The following KIAA1328 variants were observed in gnomAD, a reference collection of about 807,000 sequenced individuals.
KIAA1328 encodes the protein protein hinderin.
In KIAA1328, 52 loss-of-function variants were observed where a neutral mutation model predicts 68.1. The ratio of observed to expected loss-of-function variants is 0.76; its 90% CI spans 0.61 to 0.96. KIAA1328 has a LOEUF of 0.96. Ranked by LOEUF, KIAA1328 falls within the 40% of genes least tolerant of loss-of-function variation. The pLI is 0.00. For synonymous variants in KIAA1328, 232 were observed against 239.4 expected (o/e 0.97, Z 0.28); for missense variants, 641 against 677.6 (o/e 0.95, Z 0.60).
chr18:37,061,244 C>G (rs1270151237), intron 6 of KIAA1328, among the ~76,000 whole-genome samples: 5 of 152,190 alleles, frequency 3.3e-5, no homozygotes, highest in African/African-American at 1.2e-4. Flanking sequence ...GTGACATACT[C>G]TATGATTGCA....
chr18:37,160,258 C>T lies in KIAA1328; in HGVS notation c.1291C>T (p.His431Tyr), dbSNP rs868830841. 6.2e-7 allele frequency: 1 copy of T among 1,613,470 alleles called. No homozygotes were observed. The change falls in exon 8 of 10, where the codon CAC becomes TAC. Residue 431 changes from histidine to tyrosine, a missense_variant. By Grantham distance (83) the His-to-Tyr change is moderately conservative. Transcript: ENST00000280020. The stretch of plus-strand genomic sequence containing the variant: ...TGGAACATCATCATCTATTAAAAAG[C>T]ACCAAGACCCCCCAAACAGTGGAGA... Reference protein sequence around the residue: ...LLGTSSSIKKHQDPPNSGENR... With the variant: ...LLGTSSSIKKYQDPPNSGENR...
intron 5 of KIAA1328, among the ~76,000 whole-genome samples, chr18:36,898,144 T>C (rs2048924035): frequency 6.6e-6 from 1 of 152,008 alleles, no homozygotes. Context: ...AAAAAGTGGA[T>C]GTGAAGACAT....
At chr18:36,875,927 G>A (rs2048107584) in intron 4 of KIAA1328, among the ~76,000 whole-genome samples, 1 of 113,674 alleles carries the variant, frequency 8.8e-6, no homozygotes, top group African/African-American at 2.7e-5. Context: ...TGAGGTAATC[G>A]TGGTTTTTGT....
intron 7 of KIAA1328, among the ~76,000 whole-genome samples, chr18:37,094,562 A>G (rs538186280): frequency 6.6e-6 from 1 of 152,322 alleles, no homozygotes; most frequent in South Asian, 2.1e-4. Flanking sequence ...AACAGTCACT[A>G]ATGAAGCAGA....
intron 1 of KIAA1328, 143 bp downstream of exon 1, chr18:36,829,339 G>T: frequency 7.2e-7 from 1 of 1,392,346 alleles, no homozygotes; most frequent in Non-Finnish European, 9.3e-7. Flanking sequence ...CCCAGTCTAG[G>T]TGCTGGGCTC....
rs60361116 is a variant in KIAA1328, at chr18:36,955,314, CTTTTTTTTTTTT to C, written c.449-3988_449-3977del. Among the ~76,000 whole-genome samples the C allele has an allele frequency of 2.6e-4, 34 of 129,080 alleles. No homozygotes were observed. In the East Asian group the frequency reaches 7.9e-3, roughly 30 times the overall value. 84.7% of individuals were successfully genotyped at this position (129,080 alleles called of 152,430 possible). ...GGCTAATTTTCCTGGTTTTTCTTTT[CTTTTTTTTTTTT>C]TTTTTGATGGAGTCTCACTCTGTTG... On this transcript the variant is annotated intron_variant, in intron 5 of 9. Transcript: ENST00000280020.
At chr18:36,977,876 C>T (rs1446539719) in intron 6 of KIAA1328, among the ~76,000 whole-genome samples, 2 of 151,958 alleles carry the variant, frequency 1.3e-5, no homozygotes, top group African/African-American at 4.8e-5. Flanking sequence ...CTCCGCCTTC[C>T]AGGTTCAAGA....
At chr18:36,934,451 CCCTCCCT>C (rs2050427310) in intron 5 of KIAA1328, among the ~76,000 whole-genome samples, 1 of 152,040 alleles carries the variant, frequency 6.6e-6, no homozygotes, top group African/African-American at 2.4e-5. Context: ...CTAATGCTAT[CCCTCCCT>C]CCTCCCTCCA....
At chr18:36,954,012 T>C (rs1293227743) in intron 5 of KIAA1328, among the ~76,000 whole-genome samples, 3 of 147,014 alleles carry the variant, frequency 2.0e-5, no homozygotes, top group Non-Finnish European at 4.5e-5. Context: ...TTTTTTTTTT[T>C]TGAGACGGAG....
At chr18:36,983,825 C>T (rs1266400158) in intron 6 of KIAA1328, among the ~76,000 whole-genome samples, 4 of 152,078 alleles carry the variant, frequency 2.6e-5, no homozygotes, top group Non-Finnish European at 5.9e-5. Flanking sequence ...ATTGATATCC[C>T]TCATGAATCT....
Position 37,222,874 on chromosome 18 carries a change from G to A in KIAA1328, c.*647G>A. ...GAGGGTGAGACCCAGCCAATCCTTG[G>A]GAGCAAGCAGCACTAAATCACATCA... On this transcript the variant is annotated 3_prime_UTR_variant, in exon 10 of 10. Transcript: ENST00000280020. 1 of 987,600 alleles carries A rather than the reference G, an allele frequency of 1.0e-6. No homozygotes were observed. Among genetic ancestry groups the A allele is most frequent in the South Asian group, 4.7e-5 (1 of 21,396 alleles). The allele number at this position is 987,600 out of a possible 1,614,324, so 61.2% of individuals were successfully genotyped here.
intron 4 of KIAA1328, among the ~76,000 whole-genome samples, chr18:36,871,506 T>A (rs2047944081): frequency 6.6e-6 from 1 of 152,178 alleles, no homozygotes; most frequent in African/African-American, 2.4e-5. Context: ...TTGATTATAA[T>A]CTAATATTGT....
At chr18:37,148,238 C>T (rs1245863626) in intron 7 of KIAA1328, among the ~76,000 whole-genome samples, 1 of 152,178 alleles carries the variant, frequency 6.6e-6, no homozygotes, top group African/African-American at 2.4e-5. Flanking sequence ...ATTTGGCTTT[C>T]TGTTCCTGCA....
intron 6 of KIAA1328, among the ~76,000 whole-genome samples, chr18:37,057,952 C>A (rs977855087): frequency 6.6e-6 from 1 of 152,116 alleles, no homozygotes; most frequent in African/African-American, 2.4e-5. Context: ...TTGGCTGAGG[C>A]CAGCATCACA....
At chr18:36,835,117 A>G (rs1481098288) in intron 2 of KIAA1328, 117 bp from the exon 3 acceptor site, 4 of 702,010 alleles carry the variant, frequency 5.7e-6, no homozygotes, top group African/African-American at 5.5e-5. Flanking sequence ...TTTATAAAGT[A>G]AGAGAGTTTC....
At chr18:37,217,591 GCCCT>G (rs761733649) in intron 9 of KIAA1328, among the ~76,000 whole-genome samples, 10 of 152,148 alleles carry the variant, frequency 6.6e-5, no homozygotes, top group Non-Finnish European at 1.5e-4. Context: ...CTCTCTGGCT[GCCCT>G]TAACATTTTT....
At chr18:37,143,600 C>G (rs751047272) in intron 7 of KIAA1328, among the ~76,000 whole-genome samples, 1 of 141,152 alleles carries the variant, frequency 7.1e-6, no homozygotes, top group Non-Finnish European at 1.5e-5. Flanking sequence ...AGAAGACATC[C>G]TTATATTGTT....
chr18:37,000,736 G>T (rs1356994383), intron 6 of KIAA1328, among the ~76,000 whole-genome samples: 2 of 151,592 alleles, frequency 1.3e-5, no homozygotes, highest in Admixed American at 6.6e-5. Flanking sequence ...ATACCAAGAG[G>T]AACTCTGGAA....
In KIAA1328 at chr18:36,870,830, A is replaced by G. The variant is rs2047919461; in HGVS notation, c.333-14727A>G. On this transcript the variant is annotated intron_variant, in intron 4 of 9. Coordinates refer to ENST00000280020, the MANE Select transcript of KIAA1328 (RefSeq NM_020776.3). ...AGTCTTCTTCAATTCAGTCTTTCAT[A>G]ACCTTGACACGTATGTGTTTTGTAG... 2.0e-5 allele frequency among the ~76,000 whole-genome samples: 3 copies of G among 152,238 alleles called. No individual in the cohort carries two copies. The South Asian group carries it at 6.2e-4, about 32-fold the overall frequency.
Sources: gnomAD v4.1 joint callset for allele counts (sites outside exome capture counted in the v4.1 genomes callset) on GRCh38, gnomAD v4.1.1 for gene constraint, MANE v1.5 for transcripts, NCBI Gene and HGNC (gene_info 2026-07-23, HGNC 2026-07-21) for gene names.